The following YPEL2 variants were observed in gnomAD, a reference collection of about 807,000 sequenced individuals.
YPEL2 encodes yippee like 2, also known as protein yippee-like 2.
A neutral mutation model predicts 19.1 loss-of-function variants in YPEL2; 2 were observed. That is an observed-to-expected ratio of 0.10 (90% CI 0.04 to 0.33). YPEL2 has a LOEUF of 0.33. Among genes scored for constraint, YPEL2 ranks in the 10% least tolerant of loss-of-function variants. YPEL2 has a pLI of 1.00. For synonymous variants in YPEL2, 52 were observed against 50.0 expected, an observed-to-expected ratio of 1.04 and a Z score of -0.17; for missense variants, 66 against 140.7, an observed-to-expected ratio of 0.47 and a Z score of 2.68.
intron 3 of YPEL2, among the ~76,000 whole-genome samples, chr17:59,388,591 G>A (rs1267225079): frequency 6.6e-6 from 1 of 152,190 alleles, no homozygotes; most frequent in Non-Finnish European, 1.5e-5. Context: ...CCCTCAGAGG[G>A]CACACCAGAG....
At chr17:59,359,684 C>T (rs1186093201) in intron 2 of YPEL2, among the ~76,000 whole-genome samples, 3 of 152,082 alleles carry the variant, frequency 2.0e-5, no homozygotes, top group Non-Finnish European at 2.9e-5. Context: ...AAACCATACT[C>T]GAATAAAATT....
chr17:59,378,855 G>A (rs191368792), intron 2 of YPEL2, among the ~76,000 whole-genome samples: 3 of 152,270 alleles, frequency 2.0e-5, no homozygotes, highest in Admixed American at 1.3e-4. Flanking sequence ...TCAAATCCAC[G>A]GGAGGAGGGG....
intron 2 of YPEL2, among the ~76,000 whole-genome samples, chr17:59,382,146 A>C (rs974327985): frequency 6.6e-6 from 1 of 152,230 alleles, no homozygotes. Context: ...GCCTCAAAAA[A>C]CACAGCTGAT....
intron 1 of YPEL2, among the ~76,000 whole-genome samples, chr17:59,347,342 G>A (rs2047761384): frequency 6.6e-6 from 1 of 152,042 alleles, no homozygotes; most frequent in Admixed American, 6.6e-5. Flanking sequence ...GCCCAGGCTA[G>A]TCTCATACTC....
At chr17:59,376,054 A>G (rs925214758) in intron 2 of YPEL2, among the ~76,000 whole-genome samples, 19 of 152,276 alleles carry the variant, frequency 1.2e-4, no homozygotes, top group Admixed American at 3.3e-4. Flanking sequence ...AGTGTTTTGC[A>G]TATTCTGACA....
intron 1 of YPEL2, among the ~76,000 whole-genome samples, chr17:59,346,602 A>G (rs538594716): frequency 1.3e-5 from 2 of 152,298 alleles, no homozygotes; most frequent in South Asian, 4.1e-4. Context: ...GCCAATGGGA[A>G]GCAGAGGAGG....
chr17:59,348,072 T>C (rs1358341928), intron 1 of YPEL2, among the ~76,000 whole-genome samples: 1 of 152,232 alleles, frequency 6.6e-6, no homozygotes, highest in Non-Finnish European at 1.5e-5. Flanking sequence ...CTGTGGAGGT[T>C]GGTCTTATTA....
chr17:59,338,985 C>T (rs950821787), intron 1 of YPEL2, among the ~76,000 whole-genome samples: 1 of 152,176 alleles, frequency 6.6e-6, no homozygotes, highest in African/African-American at 2.4e-5. Flanking sequence ...TGAGGTCGTG[C>T]TTGATCCCTC....
chr17:59,335,782 C>T (rs1223765897), intron 1 of YPEL2, among the ~76,000 whole-genome samples: 1 of 152,124 alleles, frequency 6.6e-6, no homozygotes, highest in Non-Finnish European at 1.5e-5. Flanking sequence ...CTCCTGACCT[C>T]AGGTGATCTG....
chr17:59,335,703 C>G (rs2047695387), intron 1 of YPEL2, among the ~76,000 whole-genome samples: 1 of 152,084 alleles, frequency 6.6e-6, no homozygotes, highest in South Asian at 2.1e-4. Flanking sequence ...CGCACCCCAC[C>G]ACGCCCGGCT....
intron 2 of YPEL2, among the ~76,000 whole-genome samples, chr17:59,359,630 A>G (rs1342078680): frequency 6.6e-6 from 1 of 152,212 alleles, no homozygotes; most frequent in East Asian, 1.9e-4. Context: ...ATTGAACTCT[A>G]ATTTTTGATA....
intron 1 of YPEL2, among the ~76,000 whole-genome samples, chr17:59,332,054 C>A (rs1389807488): frequency 6.6e-6 from 1 of 151,880 alleles, no homozygotes; most frequent in Non-Finnish European, 1.5e-5. Context: ...GGGCCCGCGG[C>A]CGCTCGCGGA....
At chr17:59,345,466 C>T (rs975234146) in intron 1 of YPEL2, among the ~76,000 whole-genome samples, 2 of 152,208 alleles carry the variant, frequency 1.3e-5, no homozygotes, top group South Asian at 2.1e-4. Context: ...CTTTAATAGA[C>T]GATTTTCAGA....
intron 2 of YPEL2, among the ~76,000 whole-genome samples, chr17:59,365,647 AT>A (rs1382785580): frequency 6.6e-6 from 1 of 152,242 alleles, no homozygotes; most frequent in East Asian, 1.9e-4. Context: ...AGAATCTCTG[AT>A]AACCTTTGTT....
intron 4 of YPEL2, among the ~76,000 whole-genome samples, chr17:59,395,669 C>T (rs1020352629): frequency 6.6e-6 from 1 of 152,102 alleles, no homozygotes; most frequent in Admixed American, 6.6e-5. Flanking sequence ...GCTCCTGTCT[C>T]CACACATCTG....
intron 1 of YPEL2, among the ~76,000 whole-genome samples, chr17:59,336,885 C>T (rs2047701197): frequency 6.6e-6 from 1 of 152,196 alleles, no homozygotes; most frequent in South Asian, 2.1e-4. Context: ...CTGCCCAACA[C>T]CCACCTGGAA....
At chr17:59,389,712 G>T (rs3816432) in intron 4 of YPEL2, among the ~76,000 whole-genome samples, 7 of 150,938 alleles carry the variant, frequency 4.6e-5, no homozygotes, top group African/African-American at 2.4e-5. Flanking sequence ...AATAGTAATG[G>T]CATATAACCT....
chr17:59,336,237 T>G (rs1356723636), intron 1 of YPEL2, among the ~76,000 whole-genome samples: 1 of 152,250 alleles, frequency 6.6e-6, no homozygotes, highest in Non-Finnish European at 1.5e-5. Flanking sequence ...TTACTTTCAC[T>G]TGCACTATTT....
intron 1 of YPEL2, among the ~76,000 whole-genome samples, chr17:59,336,457 G>A (rs2047699256): frequency 6.6e-6 from 1 of 152,224 alleles, no homozygotes; most frequent in Non-Finnish European, 1.5e-5. Context: ...GGCACTATAT[G>A]TGGGGCTAAG....
Sources: gnomAD v4.1 joint callset for allele counts (sites outside exome capture counted in the v4.1 genomes callset) on GRCh38, gnomAD v4.1.1 for gene constraint, MANE v1.5 for transcripts, NCBI Gene and HGNC (gene_info 2026-07-23, HGNC 2026-07-21) for gene names.